Variants in SULT2A1 observed in about 807,000 individuals in gnomAD.
SULT2A1 encodes the protein sulfotransferase family 2A member 1.
In SULT2A1, 43 loss-of-function variants were observed where a neutral mutation model predicts 33.9. The observed-to-expected ratio is 1.27, with a 90% CI of 1.00 to 1.64. SULT2A1 has a LOEUF of 1.64. Ranked by LOEUF, SULT2A1 falls within the 40% of genes most tolerant of loss-of-function variation. The probability of loss-of-function intolerance (pLI) is 0.00; values close to 1 mark genes in which losing one functional copy is unlikely to be tolerated. For missense variants in SULT2A1, 300 were observed against 335.1 expected (o/e 0.90, Z 0.82); for synonymous variants, 125 against 113.6 (o/e 1.10, Z -0.64).
chr19:47,871,609 C>T (rs1380237145), intron 5 of SULT2A1, 42 bp from the exon 6 acceptor site: 2 of 1,338,384 alleles, frequency 1.5e-6, no homozygotes, highest in Middle Eastern at 1.8e-4. Context: ...CCACACATCT[C>T]CTTGACCTGT....
chr19:47,886,159 C>G lies in SULT2A1; in HGVS notation c.99G>C (p.Arg33Ser). The G allele has an allele frequency of 1.2e-6, 2 of 1,614,056 alleles. No homozygotes were observed. The highest frequency in any genetic ancestry group is 1.7e-6 in the Non-Finnish European group (2 of 1,180,002). ...AAGTCAATATTATTACATCTTCATC[C>G]CTTATCACGAACTCATCACGTACTT... ...LRKVRDEFVIRDEDVIILTYP... is the reference protein window; with the variant it reads ...LRKVRDEFVISDEDVIILTYP... Residue 33 changes from arginine to serine, a missense_variant, in exon 1 of 6, where the codon AGG becomes AGC. Physicochemically the swap from Arg to Ser is moderately radical, Grantham distance 110. Coordinates refer to ENST00000222002, the MANE Select transcript of SULT2A1 (RefSeq NM_003167.4).
At chr19:47,883,249 G>A (rs540584949) in intron 2 of SULT2A1, among the ~76,000 whole-genome samples, 1 of 151,854 alleles carries the variant, frequency 6.6e-6, no homozygotes. Flanking sequence ...TTATTTTTTA[G>A]GGCAACCAAA....
At chr19:47,874,377 A>G (rs1968521981) in intron 5 of SULT2A1, among the ~76,000 whole-genome samples, 1 of 152,090 alleles carries the variant, frequency 6.6e-6, no homozygotes, top group Non-Finnish European at 1.5e-5. Context: ...TGTCTTTACT[A>G]AAGATACAAA....
chr19:47,883,557 C>A lies in SULT2A1; in HGVS notation c.345+20G>T. 1 of 1,611,846 alleles carries A rather than the reference C, an allele frequency of 6.2e-7. No homozygotes were observed. The highest frequency in any genetic ancestry group is 8.5e-7 in the Non-Finnish European group (1 of 1,178,064). On this transcript the variant is annotated intron_variant, in intron 2 of 5. Transcript: ENST00000222002. The stretch of plus-strand genomic sequence containing the variant: ...TTTGAAAGGCACTGATCAAACACGT[C>A]TTAACCATTATGCACTGACCTTGGC...
chr19:47,881,654 T>C lies in SULT2A1; in HGVS notation c.472+430A>G, dbSNP rs139301617. On this transcript the variant is annotated intron_variant, in intron 3 of 5. Transcript: ENST00000222002. The stretch of plus-strand genomic sequence containing the variant: ...AGCCCAGGAATTCTGCATAACTAAA[T>C]ATATAGCGATCCTAGAGTCATGCAA... 4.2e-3 allele frequency among the ~76,000 whole-genome samples: 646 copies of C among 152,102 alleles called. 12 individuals carry two copies. Among genetic ancestry groups the C allele is most frequent in the African/African-American group, 0.014 (596 of 41,514 alleles).
At chr19:47,883,904 C>G in intron 1 of SULT2A1, 119 bp from the exon 2 acceptor site, 1 of 881,780 alleles carries the variant, frequency 1.1e-6, no homozygotes, top group Non-Finnish European at 1.7e-6. Context: ...TCAGGGGTTC[C>G]AGAATAGCCT....
chr19:47,871,292 C>T lies in SULT2A1; in HGVS notation c.*163G>A, dbSNP rs1469807766. 3.2e-6 allele frequency: 2 copies of T among 620,148 alleles called. No individual in the cohort carries two copies. Among genetic ancestry groups the T allele is most frequent in the Non-Finnish European group, 5.6e-6 (2 of 358,102 alleles). 38.4% of individuals were successfully genotyped at this position (620,148 alleles called of 1,614,324 possible). A position where few individuals can be genotyped will look rare whatever the true frequency, so the allele number is the denominator to read the frequency against. ...GGCATGAACCACCGTGCCTGGCCAA[C>T]CCTGGTAACTTTTAACAAGGAAGGG... On this transcript the variant is annotated 3_prime_UTR_variant, in exon 6 of 6. Coordinates refer to ENST00000222002, the MANE Select transcript of SULT2A1 (RefSeq NM_003167.4).
chr19:47,881,398 C>T (rs1669458310), intron 3 of SULT2A1, among the ~76,000 whole-genome samples: 1 of 152,032 alleles, frequency 6.6e-6, no homozygotes, highest in Admixed American at 6.6e-5. Flanking sequence ...TCTCGAACTC[C>T]TGACCTCAGG....
chr19:47,881,993 T>C (rs1456657700), intron 3 of SULT2A1, 91 bp downstream of exon 3: 2 of 1,550,080 alleles, frequency 1.3e-6, no homozygotes, highest in Non-Finnish European at 1.7e-6. Flanking sequence ...TTTCAACCCA[T>C]GGGTTGGTGA....
intron 5 of SULT2A1, 65 bp from the exon 6 acceptor site, chr19:47,871,632 C>T (rs1345119682): frequency 9.3e-7 from 1 of 1,073,298 alleles, no homozygotes; most frequent in Non-Finnish European, 1.5e-6. Context: ...CCACCAGGCA[C>T]CTGACATGGA....
At chr19:47,880,560 T>A (rs1259705724) in intron 3 of SULT2A1, among the ~76,000 whole-genome samples, 1 of 116,250 alleles carries the variant, frequency 8.6e-6, no homozygotes, top group African/African-American at 3.3e-5. Context: ...AAGTATGGAA[T>A]ACATTATTAT....
chr19:47,878,914 C>A, intron 4 of SULT2A1, 122 bp downstream of exon 4: 1 of 738,410 alleles, frequency 1.4e-6, no homozygotes, highest in East Asian at 2.5e-5. Flanking sequence ...CTTTGTGACT[C>A]TTCACCAGGC....
intron 3 of SULT2A1, among the ~76,000 whole-genome samples, chr19:47,879,772 C>A (rs1040512092): frequency 9.0e-6 from 1 of 111,186 alleles, no homozygotes; most frequent in South Asian, 2.9e-4. Context: ...CACACCGGGG[C>A]CTGTCATGGG....
chr19:47,880,032 C>T (rs8108674), intron 3 of SULT2A1, among the ~76,000 whole-genome samples: 20,192 of 151,302 alleles, frequency 0.13, 1,468 homozygotes, highest in African/African-American at 0.19. Context: ...GTCAGGAGAT[C>T]GAGACCATCC....
At chr19:47,873,784 C>A (rs901563992) in intron 5 of SULT2A1, among the ~76,000 whole-genome samples, 1 of 151,676 alleles carries the variant, frequency 6.6e-6, no homozygotes, top group East Asian at 2.0e-4. Context: ...CCACCATGCC[C>A]GGCTAATTTT....
intron 4 of SULT2A1, among the ~76,000 whole-genome samples, chr19:47,877,287 A>T (rs1251769193): frequency 2.1e-5 from 3 of 145,990 alleles, no homozygotes; most frequent in Non-Finnish European, 4.5e-5. Context: ...CCCAGGCTGG[A>T]GTGCAATGGC....
chr19:47,878,345 A>AT (rs199520025), intron 4 of SULT2A1, among the ~76,000 whole-genome samples: 20 of 148,632 alleles, frequency 1.3e-4, no homozygotes, highest in Admixed American at 6.1e-4. Flanking sequence ...CATCTGGCTA[A>AT]TTTTTTTTTT....
intron 2 of SULT2A1, among the ~76,000 whole-genome samples, chr19:47,883,154 T>G (rs748840978): frequency 6.6e-6 from 1 of 152,042 alleles, no homozygotes; most frequent in Non-Finnish European, 1.5e-5. Flanking sequence ...ATACAGGCAT[T>G]GATTGATGAA....
Position 47,874,680 on chromosome 19 carries a change from T to C in SULT2A1, c.722A>G (p.Asp241Gly). The change falls in exon 5 of 6, where the codon GAC (aspartate) becomes GGC (glycine). Residue 241 changes from aspartate to glycine, a missense_variant. By Grantham distance (94) the Asp-to-Gly change is moderately conservative. Coordinates refer to ENST00000222002, the MANE Select transcript of SULT2A1 (RefSeq NM_003167.4). ...ACCTTTTCTCAGAAGTTGTGCTTTGTCCACTACATAATCAACACTCAGGAG... is the reference window on the plus strand; with the variant it reads ...ACCTTTTCTCAGAAGTTGTGCTTTGCCCACTACATAATCAACACTCAGGAG... ...YSLLSVDYVV[D>G]KAQLLRKGVS... The C allele has an allele frequency of 6.2e-7, 1 of 1,613,878 alleles. No individual in the cohort carries two copies. Among genetic ancestry groups the C allele is most frequent in the Non-Finnish European group, 8.5e-7 (1 of 1,179,952 alleles).
Sources: allele counts gnomAD v4.1 joint callset (sites outside exome capture counted in the v4.1 genomes callset), GRCh38; gene constraint gnomAD v4.1.1; transcripts MANE v1.5; gene names NCBI Gene and HGNC (gene_info 2026-07-23, HGNC 2026-07-21).